Variants in SORL1 observed in about 807,000 individuals in gnomAD.
SORL1 encodes sortilin related receptor 1, also known as sortilin-related receptor.
A neutral mutation model predicts 273.7 loss-of-function variants in SORL1; 127 were observed. The ratio of observed to expected loss-of-function variants is 0.46; its 90% confidence interval spans 0.40 to 0.54. The LOEUF (loss-of-function observed/expected upper bound fraction) is 0.54, where lower values mean the gene tolerates loss of function less well. Ranked by LOEUF, SORL1 falls within the 20% of genes least tolerant of loss-of-function variation. SORL1 has a pLI of 0.00. For missense variants in SORL1, 2,494 were observed against 2,846.1 expected (o/e 0.88, Z 2.81); for synonymous variants, 1,031 against 1,067.4 (o/e 0.97, Z 0.66).
intron 33 of SORL1, among the ~76,000 whole-genome samples, chr11:121,604,658 G>A (rs1863442526): frequency 6.6e-6 from 1 of 152,054 alleles, no homozygotes; most frequent in Non-Finnish European, 1.5e-5. Context: ...GGAGTGTCTA[G>A]TAATGGACCC....
Position 121,627,480 on chromosome 11 carries a change from TG to T in SORL1, c.6365-71del. ...CTATCGCCCAGCTTTTTTTGGTGGGTGGGGCCTTGAGGAGTCATCTGGTCTG... is the reference window on the plus strand; with the variant it reads ...CTATCGCCCAGCTTTTTTTGGTGGGTGGGCCTTGAGGAGTCATCTGGTCTG... On this transcript the variant is annotated intron_variant, in intron 46 of 47. Transcript: ENST00000260197. The surrounding 1 kb of genome is among the most constrained non-coding windows in gnomAD (Gnocchi z 4.9). The T allele has an allele frequency of 8.1e-7, 1 of 1,235,790 alleles. No homozygotes were observed. Among genetic ancestry groups the T allele is most frequent in the Non-Finnish European group, 1.2e-6 (1 of 844,844 alleles). 76.6% of individuals were successfully genotyped at this position (1,235,790 alleles called of 1,614,324 possible).
chr11:121,595,542 C>A lies in SORL1; in HGVS notation c.4370-81C>A. On this transcript the variant is annotated intron_variant, in intron 31 of 47. Transcript: ENST00000260197. The surrounding 1 kb of genome is among the most constrained non-coding windows in gnomAD (Gnocchi z 5.1). ...ATTGTAATTTCTAAAGCACCGTAAT[C>A]TCCTAGCATATTGATTGGTTGCTGT... is the stretch of plus-strand genomic sequence containing the variant. 1 of 1,256,214 alleles carries A rather than the reference C, an allele frequency of 8.0e-7. No homozygotes were observed. Among genetic ancestry groups the A allele is most frequent in the Non-Finnish European group, 1.1e-6 (1 of 893,586 alleles). 77.8% of individuals were successfully genotyped at this position (1,256,214 alleles called of 1,614,324 possible).
intron 3 of SORL1, among the ~76,000 whole-genome samples, chr11:121,482,155 G>A (rs549714992): frequency 7.9e-5 from 12 of 152,350 alleles, no homozygotes; most frequent in African/African-American, 2.6e-4. Flanking sequence ...AGGAGGGTTA[G>A]TGCAGGCAGA....
In SORL1 at chr11:121,531,993, C is replaced by A. The variant is rs569320373; in HGVS notation, c.1597-471C>A. 1.4e-3 allele frequency among the ~76,000 whole-genome samples: 211 copies of A among 152,294 alleles called. 1 individual carries two copies. The highest frequency in any genetic ancestry group is 4.9e-3 in the African/African-American group (203 of 41,556). ...TGTAGCTTCTCTAGGTTTTAAATCT[C>A]CACAAGCGGCTTGCTTTCGTTTACT... On this transcript the variant is annotated intron_variant, in intron 11 of 47. Coordinates refer to ENST00000260197, the MANE Select transcript of SORL1 (RefSeq NM_003105.6).
intron 5 of SORL1, among the ~76,000 whole-genome samples, chr11:121,495,588 T>C (rs1357276402): frequency 2.6e-5 from 4 of 152,226 alleles, no homozygotes; most frequent in African/African-American, 9.6e-5. Context: ...CATCACTCTG[T>C]ATTCTCACTA....
At position 121,459,746 on chromosome 11, in the gene SORL1, C is replaced by T. The variant is rs188294368; in HGVS notation, c.285+7130C>T. The stretch of plus-strand genomic sequence containing the variant: ...AGTGCCTTAACAGTGGGGCCATCTC[C>T]CTGCCCTGCCCTTTGCTTCCTGTGC... On this transcript the variant is annotated intron_variant, in intron 1 of 47. Coordinates refer to ENST00000260197, the MANE Select transcript of SORL1 (RefSeq NM_003105.6). Among the ~76,000 whole-genome samples the T allele has an allele frequency of 7.2e-5, 11 of 152,342 alleles. No homozygotes were observed. The East Asian group carries it at 2.1e-3, about 29-fold the overall frequency.
At chr11:121,497,424 T>A (rs1485111720) in intron 6 of SORL1, among the ~76,000 whole-genome samples, 1 of 152,222 alleles carries the variant, frequency 6.6e-6, no homozygotes, top group Non-Finnish European at 1.5e-5. Flanking sequence ...ACTGCCTGAT[T>A]TCCTTTAAAC....
At chr11:121,586,401 A>G (rs1863110217) in intron 27 of SORL1, 72 bp downstream of exon 27, 2 of 1,147,348 alleles carry the variant, frequency 1.7e-6, no homozygotes, top group Non-Finnish European at 2.6e-6. Flanking sequence ...TATTGGACTA[A>G]ATCCTTTCAT....
chr11:121,565,075 G>A (rs905496280), intron 21 of SORL1, among the ~76,000 whole-genome samples: 1 of 152,164 alleles, frequency 6.6e-6, no homozygotes, highest in Non-Finnish European at 1.5e-5. Context: ...GGAGCCATCT[G>A]TGCCCACTAA....
At chr11:121,578,887 G>A (rs1862974228) in intron 25 of SORL1, among the ~76,000 whole-genome samples, 1 of 152,224 alleles carries the variant, frequency 6.6e-6, no homozygotes, top group African/African-American at 2.4e-5. Flanking sequence ...AGCATGGTCT[G>A]CAGAAGGAGG....
chr11:121,613,151 C>T (rs994775245), intron 40 of SORL1, among the ~76,000 whole-genome samples: 1 of 152,186 alleles, frequency 6.6e-6, no homozygotes, highest in Non-Finnish European at 1.5e-5. Context: ...AGAAAGAGTT[C>T]TTAGATATAG....
At position 121,488,087 on chromosome 11, in the gene SORL1, A is replaced by G. The variant is rs769105355; in HGVS notation, c.584A>G (p.Asn195Ser). 1.9e-5 allele frequency: 30 copies of G among 1,614,038 alleles called. No individual in the cohort carries two copies. In the East Asian group the frequency reaches 5.6e-4, roughly 30 times the overall value. ...CTCTGGATCACGTTTGACTTCTGCA[A>G]CACTCTTCAAGGCTTTTCCATCCCA... ...QYLWITFDFC[N>S]TLQGFSIPFR... The change falls in exon 4 of 48, where the codon AAC becomes AGC. Residue 195 changes from asparagine (N) to serine (S), a missense_variant. Asn to Ser is a conservative substitution (Grantham distance 46). Transcript: ENST00000260197.
chr11:121,481,365 G>A (rs1229007129), intron 3 of SORL1, among the ~76,000 whole-genome samples: 14 of 126,918 alleles, frequency 1.1e-4, no homozygotes, highest in African/African-American at 4.0e-4. Context: ...CTCCTCCCCA[G>A]CTTCTTCCAT....
intron 11 of SORL1, 57 bp downstream of exon 11, chr11:121,523,046 T>C (rs534994652): frequency 8.6e-7 from 1 of 1,165,590 alleles, no homozygotes; most frequent in Non-Finnish European, 1.3e-6. Context: ...TGTGTGAGAA[T>C]GTAGACTGTG....
intron 31 of SORL1, 151 bp downstream of exon 31, chr11:121,591,307 C>T (rs1190357385): frequency 2.7e-6 from 2 of 728,228 alleles, no homozygotes; most frequent in Non-Finnish European, 4.6e-6. Flanking sequence ...AATGGTGTAC[C>T]TCCAGGGAAG....
chr11:121,534,766 T>C (rs1365043128), intron 12 of SORL1, among the ~76,000 whole-genome samples: 3 of 152,234 alleles, frequency 2.0e-5, no homozygotes, highest in Admixed American at 2.0e-4. Context: ...GTGACACCCA[T>C]GCACAAGGAC....
chr11:121,525,660 G>A (rs1862110261), intron 11 of SORL1, among the ~76,000 whole-genome samples: 1 of 152,158 alleles, frequency 6.6e-6, no homozygotes. Flanking sequence ...AGTTGTAATT[G>A]GCATTTGTGT....
chr11:121,452,347 A>T lies in SORL1; in HGVS notation c.16A>T (p.Ser6Cys). The T allele has an allele frequency of 1.3e-6, 2 of 1,552,436 alleles. No homozygotes were observed. The highest frequency in any genetic ancestry group is 1.7e-6 in the Non-Finnish European group (2 of 1,153,878). The part of the protein sequence containing the change: MATRS[S>C]RRESRLPFLF... The stretch of plus-strand genomic sequence containing the variant: ...TCGCCCGAACATGGCGACACGGAGC[A>T]GCAGGAGGGAGTCGCGACTCCCGTT... The change falls in exon 1 of 48, where the codon AGC (serine) becomes TGC (cysteine). Residue 6 changes from serine to cysteine, a missense_variant. Transcript: ENST00000260197. The surrounding 1 kb of genome is among the most constrained non-coding windows in gnomAD (Gnocchi z 5.3).
At chr11:121,536,867 G>A (rs1286666928) in intron 12 of SORL1, among the ~76,000 whole-genome samples, 1 of 152,046 alleles carries the variant, frequency 6.6e-6, no homozygotes, top group Non-Finnish European at 1.5e-5. Flanking sequence ...CCTGATGAAC[G>A]GCAATCCAGT....
Sources: allele counts gnomAD v4.1 joint callset (sites outside exome capture counted in the v4.1 genomes callset), GRCh38; gene constraint gnomAD v4.1.1; non-coding constraint Gnocchi (gnomAD v3.1); transcripts MANE v1.5; gene names NCBI Gene and HGNC (gene_info 2026-07-23, HGNC 2026-07-21).